CSMD3: variants seen among roughly 807,000 people sequenced by gnomAD.
CSMD3 encodes CUB and Sushi multiple domains 3.
In CSMD3, 177 loss-of-function variants were observed where a neutral mutation model predicts 435.2. The ratio of observed to expected loss-of-function variants is 0.41; its 90% CI spans 0.36 to 0.46. CSMD3 has a LOEUF of 0.46. Ranked by LOEUF, CSMD3 falls within the 20% of genes least tolerant of loss-of-function variation. The pLI is 0.34. For synonymous variants in CSMD3, 1,656 were observed against 1,520.5 expected (o/e 1.09, Z -2.07); for missense variants, 4,265 against 4,504.6 (o/e 0.95, Z 1.52).
intron 10 of CSMD3, among the ~76,000 whole-genome samples, chr8:112,919,445 T>G (rs1374853569): frequency 1.3e-5 from 2 of 151,886 alleles, no homozygotes; most frequent in East Asian, 1.9e-4. Context: ...AATGAGAGTC[T>G]TGAATGAACA....
At chr8:112,737,616 T>C (rs1238267912) in intron 13 of CSMD3, among the ~76,000 whole-genome samples, 1 of 151,870 alleles carries the variant, frequency 6.6e-6, no homozygotes, top group African/African-American at 2.4e-5. Context: ...CCCATATCAT[T>C]CTCAGAAGTG....
At chr8:112,872,831 T>C (rs1356475187) in intron 10 of CSMD3, among the ~76,000 whole-genome samples, 1 of 152,072 alleles carries the variant, frequency 6.6e-6, no homozygotes, top group Non-Finnish European at 1.5e-5. Context: ...GATAGAATGA[T>C]ATAAATTATT....
chr8:112,884,806 A>C (rs1402187869), intron 10 of CSMD3, among the ~76,000 whole-genome samples: 1 of 151,842 alleles, frequency 6.6e-6, no homozygotes, highest in East Asian at 1.9e-4. Context: ...CTTCCATTGC[A>C]GTGGGAACTG....
intron 1 of CSMD3, 79 bp from the exon 2 acceptor site, chr8:113,314,872 C>G: frequency 9.9e-7 from 1 of 1,012,856 alleles, no homozygotes; most frequent in Non-Finnish European, 1.5e-6. Context: ...TTTTGAAAGT[C>G]TATTGCATTT....
intron 41 of CSMD3, among the ~76,000 whole-genome samples, chr8:112,342,709 G>A (rs1050770067): frequency 3.3e-5 from 5 of 151,790 alleles, no homozygotes; most frequent in South Asian, 2.1e-4. Context: ...GAGTAAACGC[G>A]CATCATGTTA....
intron 47 of CSMD3, among the ~76,000 whole-genome samples, chr8:112,317,167 A>G (rs1822552840): frequency 6.6e-6 from 1 of 151,976 alleles, no homozygotes; most frequent in Non-Finnish European, 1.5e-5. Context: ...AAAATTTTCT[A>G]TGTTTTCTGT....
intron 10 of CSMD3, among the ~76,000 whole-genome samples, chr8:112,869,703 TA>T (rs143669637): frequency 0.5 from 76,459 of 151,952 alleles, 19,789 homozygotes; most frequent in East Asian, 0.79. Context: ...TATGCAGCCA[TA>T]AAAAGGAATG....
intron 17 of CSMD3, among the ~76,000 whole-genome samples, chr8:112,664,238 A>G (rs1459812397): frequency 6.6e-6 from 1 of 152,234 alleles, no homozygotes; most frequent in East Asian, 1.9e-4. Flanking sequence ...TTCAAATGTA[A>G]AATACTAAAT....
At chr8:112,259,618 C>T (rs908224694) in intron 61 of CSMD3, among the ~76,000 whole-genome samples, 14 of 151,990 alleles carry the variant, frequency 9.2e-5, no homozygotes, top group South Asian at 2.1e-4. Context: ...AAAATGAAAT[C>T]GGAAACCAGA....
intron 5 of CSMD3, among the ~76,000 whole-genome samples, chr8:113,058,949 T>C (rs1415412396): frequency 1.3e-5 from 2 of 152,104 alleles, no homozygotes; most frequent in Non-Finnish European, 1.5e-5. Context: ...TATTCTTGAT[T>C]AATAGCTAAC....
intron 3 of CSMD3, among the ~76,000 whole-genome samples, chr8:113,239,047 A>G (rs2132232122): frequency 6.6e-6 from 1 of 152,178 alleles, no homozygotes; most frequent in African/African-American, 2.4e-5. Flanking sequence ...AATATACCAA[A>G]AGTCTCACCT....
intron 2 of CSMD3, among the ~76,000 whole-genome samples, chr8:113,291,003 ATAAT>A (rs777621513): frequency 3.3e-5 from 5 of 151,450 alleles, no homozygotes; most frequent in Admixed American, 6.6e-5. Context: ...AATATTGAAA[ATAAT>A]TAAGGTTAAT....
chr8:112,719,853 TA>T (rs1390186783), intron 13 of CSMD3, among the ~76,000 whole-genome samples: 1 of 152,172 alleles, frequency 6.6e-6, no homozygotes, highest in Non-Finnish European at 1.5e-5. Context: ...CTTTCAGCAC[TA>T]AAAAATTAAA....
chr8:112,645,371 G>A lies in CSMD3; in HGVS notation c.3194-146C>T, dbSNP rs977621669. The stretch of plus-strand genomic sequence containing the variant: ...AATAACAGGTGTGCATGCAGCACTA[G>A]AGAAGAAAAGTGTACTCAGTAGCAT... On this transcript the variant is annotated intron_variant, in intron 19 of 70. Transcript: ENST00000297405. 5.8e-6 allele frequency: 4 copies of A among 695,062 alleles called. No individual in the cohort carries two copies. In the East Asian group the frequency reaches 1.1e-4, roughly 18 times the overall value. 43.1% of individuals were successfully genotyped at this position (695,062 alleles called of 1,614,324 possible). A position where few individuals can be genotyped will look rare whatever the true frequency, so the allele number is the denominator to read the frequency against.
At chr8:113,340,006 GT>G (rs1372233272) in intron 1 of CSMD3, among the ~76,000 whole-genome samples, 1 of 151,278 alleles carries the variant, frequency 6.6e-6, no homozygotes, top group Admixed American at 6.6e-5. Flanking sequence ...CAACATTTAG[GT>G]TTTTTTTAGC....
At chr8:113,312,069 G>T (rs2093873805) in intron 2 of CSMD3, 1 of 151,894 alleles carries the variant, frequency 6.6e-6, no homozygotes, top group African/African-American at 2.4e-5. Context: ...AGAAAAAATA[G>T]ATTTTTATTT....
At position 112,224,641 on chromosome 8, in the gene CSMD3, T is replaced by C; in HGVS notation, c.*130A>G. On this transcript the variant is annotated 3_prime_UTR_variant, in exon 71 of 71. Coordinates refer to ENST00000297405, the MANE Select transcript of CSMD3 (RefSeq NM_198123.2). ...CAGTTTATGAAAAAACACTCTTCTG[T>C]ATCATTCCTCAGGAAAAGGTGACCC... 1 of 874,076 alleles carries C rather than the reference T, an allele frequency of 1.1e-6. No homozygotes were observed. Among genetic ancestry groups the C allele is most frequent in the Non-Finnish European group, 2.0e-6 (1 of 511,372 alleles). The allele number at this position is 874,076 out of a possible 1,614,324, so 54.1% of individuals were successfully genotyped here.
chr8:113,435,361 T>C (rs1445120223), intron 1 of CSMD3, among the ~76,000 whole-genome samples: 2 of 152,134 alleles, frequency 1.3e-5, no homozygotes, highest in East Asian at 3.9e-4. Flanking sequence ...CCACCCATCA[T>C]TGGTTATAGT....
At chr8:112,720,007 C>G (rs1255013438) in intron 13 of CSMD3, among the ~76,000 whole-genome samples, 1 of 152,118 alleles carries the variant, frequency 6.6e-6, no homozygotes, top group African/African-American at 2.4e-5. Context: ...CTTTCCTGTG[C>G]TTTTGGTCAT....
Sources: allele counts gnomAD v4.1 joint callset (sites outside exome capture counted in the v4.1 genomes callset), GRCh38; gene constraint gnomAD v4.1.1; transcripts MANE v1.5; gene names NCBI Gene and HGNC (gene_info 2026-07-23, HGNC 2026-07-21).